Variants in KPNA1 observed in about 807,000 individuals in gnomAD.
The protein encoded by KPNA1 is karyopherin subunit alpha 1, also known as importin subunit alpha-5.
In KPNA1, 10 loss-of-function variants were observed where a neutral mutation model predicts 70.5. The ratio of observed to expected loss-of-function variants is 0.14; its 90% CI spans 0.09 to 0.24. The LOEUF (loss-of-function observed/expected upper bound fraction) is 0.24, where lower values mean the gene tolerates loss of function less well. Ranked by LOEUF, KPNA1 falls within the 10% of genes least tolerant of loss-of-function variation. The pLI, the probability that KPNA1 is intolerant of heterozygous loss-of-function variation, is 1.00. For missense variants in KPNA1, 397 were observed against 637.9 expected (o/e 0.62, Z 4.07); for synonymous variants, 192 against 221.9 (o/e 0.87, Z 1.20).
intron 2 of KPNA1, among the ~76,000 whole-genome samples, chr3:122,476,861 C>CAAAAAAAAAAAAAAAAAAAAAAA (rs144118691): frequency 3.8e-4 from 25 of 65,500 alleles, no homozygotes; most frequent in East Asian, 2.5e-3. Flanking sequence ...GGAGGTTCCA[C>CAAAAAAAAAAAAAAAAAAAAAAA]AAAAAAAAAA....
intron 5 of KPNA1, chr3:122,460,323 G>A (rs2076309914): frequency 1.0e-6 from 1 of 984,986 alleles, no homozygotes; most frequent in South Asian, 4.7e-5. Flanking sequence ...GCTGACTGTT[G>A]GTTTCTTTTC....
chr3:122,509,981 G>T (rs2076937651), intron 1 of KPNA1, among the ~76,000 whole-genome samples: 1 of 152,130 alleles, frequency 6.6e-6, no homozygotes, highest in Admixed American at 6.6e-5. Flanking sequence ...AGAGATTGGG[G>T]TAAAGGAAGA....
chr3:122,464,727 A>G (rs777008283), intron 3 of KPNA1, among the ~76,000 whole-genome samples: 5 of 152,192 alleles, frequency 3.3e-5, no homozygotes, highest in African/African-American at 1.2e-4. Context: ...ATTTCCCACC[A>G]TAACTCATCC....
At chr3:122,454,581 G>A (rs1457615309) in intron 5 of KPNA1, among the ~76,000 whole-genome samples, 1 of 152,202 alleles carries the variant, frequency 6.6e-6, no homozygotes, top group Non-Finnish European at 1.5e-5. Context: ...AAAGTAAAAT[G>A]GGGGGAGAAT....
intron 2 of KPNA1, chr3:122,483,353 G>GTTTTGT: frequency 6.5e-6 from 1 of 154,358 alleles, no homozygotes; most frequent in East Asian, 1.9e-4. Flanking sequence ...GTTTTGTTTT[G>GTTTTGT]TTTTTTTTAA....
chr3:122,496,072 G>C (rs190682702), intron 2 of KPNA1, among the ~76,000 whole-genome samples: 24 of 152,166 alleles, frequency 1.6e-4, no homozygotes, highest in African/African-American at 5.5e-4. Flanking sequence ...AGTTTACAAT[G>C]AACAGCAACA....
intron 2 of KPNA1, among the ~76,000 whole-genome samples, chr3:122,491,407 A>T (rs564474564): frequency 1.4e-4 from 22 of 152,368 alleles, no homozygotes; most frequent in African/African-American, 5.0e-4. Context: ...AAATATTTTT[A>T]AAATGTACAA....
chr3:122,466,643 T>C (rs1576314271), intron 3 of KPNA1, among the ~76,000 whole-genome samples: 1 of 152,180 alleles, frequency 6.6e-6, no homozygotes, highest in African/African-American at 2.4e-5. Context: ...AGTTCTGATG[T>C]GGAATCAAGT....
chr3:122,493,430 G>A (rs555216900), intron 2 of KPNA1, among the ~76,000 whole-genome samples: 3 of 151,542 alleles, frequency 2.0e-5, no homozygotes, highest in African/African-American at 4.8e-5. Context: ...AACAATATAC[G>A]AGTTAGAGTG....
intron 4 of KPNA1, among the ~76,000 whole-genome samples, chr3:122,462,729 ATAG>A (rs2076338031): frequency 6.6e-6 from 1 of 152,238 alleles, no homozygotes; most frequent in East Asian, 1.9e-4. Flanking sequence ...TTTTTTTGTC[ATAG>A]TAGTAGTTTT....
At chr3:122,444,671 G>A (rs944218851) in intron 9 of KPNA1, among the ~76,000 whole-genome samples, 6 of 152,126 alleles carry the variant, frequency 3.9e-5, no homozygotes, top group South Asian at 2.1e-4. Flanking sequence ...CCTCTGGGAC[G>A]AAGCTTCCAG....
chr3:122,489,212 T>A (rs1192390795), intron 2 of KPNA1, among the ~76,000 whole-genome samples: 2 of 152,180 alleles, frequency 1.3e-5, no homozygotes, highest in African/African-American at 4.8e-5. Flanking sequence ...TTTGGGAATT[T>A]CTCATCTTGG....
intron 1 of KPNA1, among the ~76,000 whole-genome samples, chr3:122,498,055 T>C (rs1216485827): frequency 6.6e-6 from 1 of 152,232 alleles, no homozygotes; most frequent in Non-Finnish European, 1.5e-5. Context: ...TTTTTCTTTG[T>C]AGCATGGTAT....
chr3:122,500,727 C>T (rs1463561114), intron 1 of KPNA1, among the ~76,000 whole-genome samples: 2 of 152,068 alleles, frequency 1.3e-5, no homozygotes, highest in Non-Finnish European at 2.9e-5. Flanking sequence ...TGGTCTCGAA[C>T]TCCTGGGCTC....
chr3:122,431,279 C>T (rs2075902631), intron 12 of KPNA1, among the ~76,000 whole-genome samples: 1 of 152,248 alleles, frequency 6.6e-6, no homozygotes, highest in Admixed American at 6.5e-5. Flanking sequence ...CATTTTCCCA[C>T]CTCAGCCTCC....
intron 3 of KPNA1, among the ~76,000 whole-genome samples, chr3:122,465,944 T>C (rs1300109980): frequency 1.3e-5 from 2 of 152,242 alleles, no homozygotes; most frequent in African/African-American, 4.8e-5. Flanking sequence ...CGAGCCACTT[T>C]CTTAAACTAA....
At chr3:122,464,076 T>C (rs767073989) in intron 3 of KPNA1, 35 bp from the exon 4 acceptor site, 11 of 1,146,490 alleles carry the variant, frequency 9.6e-6, no homozygotes, top group Non-Finnish European at 1.4e-5. Flanking sequence ...TATAATAAAT[T>C]ATCACCCTTA....
chr3:122,456,604 TAATAA>T (rs2076267599), intron 5 of KPNA1, among the ~76,000 whole-genome samples: 1 of 152,092 alleles, frequency 6.6e-6, no homozygotes, highest in Non-Finnish European at 1.5e-5. Flanking sequence ...CTACACAAGT[TAATAA>T]AATAGAGAAG....
rs946268370 is a variant in KPNA1 at position 122,459,349 on chromosome 3, A to G, written c.432+1875T>C. On this transcript the variant is annotated intron_variant, in intron 5 of 13. Transcript: ENST00000344337. ...CCACCTAATAAAAACCGCCAGATCA[A>G]GGAGTAAATTCAGTATCTCTCATCT... 3.4e-6 allele frequency: 3 copies of G among 870,096 alleles called. No individual in the cohort carries two copies. In the African/African-American group the frequency reaches 5.5e-5, roughly 16 times the overall value. 53.9% of individuals were successfully genotyped at this position (870,096 alleles called of 1,614,324 possible). A position where few individuals can be genotyped will look rare whatever the true frequency, so the allele number is the denominator to read the frequency against.
Sources: allele counts gnomAD v4.1 joint callset (sites outside exome capture counted in the v4.1 genomes callset), GRCh38; gene constraint gnomAD v4.1.1; transcripts MANE v1.5; gene names NCBI Gene and HGNC (gene_info 2026-07-23, HGNC 2026-07-21).